Variants in TTC19 observed in about 807,000 individuals in gnomAD.
TTC19 encodes the protein tetratricopeptide repeat protein 19, mitochondrial.
TTC19 carries 38 observed loss-of-function variants against 49.5 expected under a neutral mutation model. The observed-to-expected ratio is 0.77, with a 90% confidence interval of 0.59 to 1.01. The LOEUF (loss-of-function observed/expected upper bound fraction) is 1.01. TTC19 is among the 50% of genes least tolerant of loss of function. TTC19 has a pLI of 0.00. For synonymous variants in TTC19, 204 were observed against 185.2 expected, an observed-to-expected ratio of 1.10 and a Z score of -0.83; for missense variants, 475 against 477.7, an observed-to-expected ratio of 0.99 and a Z score of 0.05.
At chr17:16,026,172 G>A (rs1170474554) in intron 8 of TTC19, among the ~76,000 whole-genome samples, 2 of 152,180 alleles carry the variant, frequency 1.3e-5, no homozygotes, top group African/African-American at 4.8e-5. Flanking sequence ...GGCTCCAGAG[G>A]CAATCAAACC....
downstream of TTC19, chr17:16,031,689 A>C (rs1972028531): frequency 4.4e-6 from 1 of 227,622 alleles, no homozygotes; most frequent in South Asian, 1.8e-4. Context: ...TACAGATTTT[A>C]TGACAGGGTC....
intron 7 of TTC19, among the ~76,000 whole-genome samples, chr17:16,015,554 G>C (rs935316394): frequency 6.6e-6 from 1 of 151,800 alleles, no homozygotes; most frequent in African/African-American, 2.4e-5. Context: ...TCCTTTCCTT[G>C]AAAGTTTTTA....
rs1475077428 is a variant in TTC19 at position 16,028,350 on chromosome 17, ACT to A, written c.*831_*832del. On this transcript the variant is annotated 3_prime_UTR_variant, in exon 10 of 10. Coordinates refer to ENST00000261647, the MANE Select transcript of TTC19 (RefSeq NM_017775.4). ...TAGGCCCCTACAGGTATATTTTAAA[ACT>A]CTTCGTAATTCTAATGTGTACTGCT... The A allele has an allele frequency of 4.4e-6, 2 of 453,926 alleles. No homozygotes were observed. Among genetic ancestry groups the A allele is most frequent in the South Asian group, 1.6e-5 (1 of 64,466 alleles). The allele number at this position is 453,926 out of a possible 1,614,324, so 28.1% of individuals were successfully genotyped here. A position where few individuals can be genotyped will look rare whatever the true frequency, so the allele number is the denominator to read the frequency against.
chr17:16,001,324 T>C (rs1970724833), intron 2 of TTC19, among the ~76,000 whole-genome samples: 1 of 152,160 alleles, frequency 6.6e-6, no homozygotes, highest in African/African-American at 2.4e-5. Flanking sequence ...CTCACCATCC[T>C]CCCTTCACAT....
At chr17:16,000,568 A>C in intron 2 of TTC19, 1 of 456,142 alleles carries the variant, frequency 2.2e-6, no homozygotes, top group Non-Finnish European at 3.3e-6. Context: ...AAATGACATA[A>C]TTTCGCACGT....
rs1231337900 is a variant in TTC19 at position 16,029,076 on chromosome 17, T to C, written c.*1554T>C. On this transcript the variant is annotated 3_prime_UTR_variant, in exon 10 of 10. Transcript: ENST00000261647. The stretch of plus-strand genomic sequence containing the variant: ...ACCAGTATTAACGTATGGTGATTTC[T>C]TAAAAAAATTAATGTCAACCACTCA... 2 of 452,992 alleles carry C rather than the reference T, an allele frequency of 4.4e-6. No individual in the cohort carries two copies. Among genetic ancestry groups the C allele is most frequent in the Non-Finnish European group, 8.8e-6 (2 of 226,494 alleles). The allele number at this position is 452,992 out of a possible 1,614,324, so 28.1% of individuals were successfully genotyped here.
chr17:16,021,376 A>G (rs1250202534), intron 7 of TTC19, among the ~76,000 whole-genome samples: 4 of 152,248 alleles, frequency 2.6e-5, no homozygotes, highest in Non-Finnish European at 5.9e-5. Context: ...CGACAGAGTG[A>G]GACTTCGTCT....
intron 2 of TTC19, among the ~76,000 whole-genome samples, chr17:16,042,003 G>A (rs890536608): frequency 1.3e-5 from 2 of 152,112 alleles, no homozygotes; most frequent in Non-Finnish European, 2.9e-5. Context: ...CAAAGTGCTG[G>A]GATTACAGGT....
chr17:16,033,539 A>G (rs1287955571), downstream of TTC19, among the ~76,000 whole-genome samples: 4 of 152,116 alleles, frequency 2.6e-5, no homozygotes, highest in South Asian at 2.1e-4. Context: ...TAATTTACAT[A>G]TATCTTACAG....
chr17:16,033,567 A>T (rs1972979157), downstream of TTC19, among the ~76,000 whole-genome samples: 1 of 152,010 alleles, frequency 6.6e-6, no homozygotes, highest in Non-Finnish European at 1.5e-5. Flanking sequence ...CACATTTCAG[A>T]TTTTTTTCAG....
At chr17:16,043,743 TCA>T (rs1439925953) in intron 2 of TTC19, among the ~76,000 whole-genome samples, 1 of 152,236 alleles carries the variant, frequency 6.6e-6, no homozygotes, top group Non-Finnish European at 1.5e-5. Flanking sequence ...CTCTCCGTGC[TCA>T]CACAGATTCA....
At chr17:16,009,273 G>C (rs1467090128) in intron 7 of TTC19, among the ~76,000 whole-genome samples, 1 of 152,212 alleles carries the variant, frequency 6.6e-6, no homozygotes, top group African/African-American at 2.4e-5. Flanking sequence ...TCTTAGGAGT[G>C]TAAAGCTATA....
rs576767243 is a variant in TTC19, at chr17:16,036,368, G to A, written c.248-8135G>A. On this transcript the variant is annotated intron_variant, in intron 2 of 2. Coordinates refer to the TTC19 transcript ENST00000470649. ...TCCATTTCTAGAGCACAGGCGAGTAGACCAAGCATAATTCTTAAGTGGCCT... is the reference window on the plus strand; with the variant it reads ...TCCATTTCTAGAGCACAGGCGAGTAAACCAAGCATAATTCTTAAGTGGCCT... Among the ~76,000 whole-genome samples the A allele has an allele frequency of 1.2e-4, 19 of 152,332 alleles. No homozygotes were observed. In the East Asian group the frequency reaches 3.7e-3, roughly 29 times the overall value.
chr17:16,038,841 G>T (rs943982021), intron 2 of TTC19, among the ~76,000 whole-genome samples: 1 of 152,132 alleles, frequency 6.6e-6, no homozygotes, highest in African/African-American at 2.4e-5. Flanking sequence ...TGTGATCTCA[G>T]CTCACAGCAA....
intron 2 of TTC19, chr17:16,034,956 A>G: frequency 6.2e-7 from 1 of 1,612,908 alleles, no homozygotes. Flanking sequence ...TGAAAGTGAA[A>G]TTCAAGTTAA....
At chr17:16,022,390 C>T (rs1230387149) in intron 7 of TTC19, among the ~76,000 whole-genome samples, 1 of 152,120 alleles carries the variant, frequency 6.6e-6, no homozygotes. Flanking sequence ...TGCTTTATTC[C>T]CTCCACTAAA....
At chr17:16,021,039 C>T (rs1220133259) in intron 7 of TTC19, among the ~76,000 whole-genome samples, 1 of 152,066 alleles carries the variant, frequency 6.6e-6, no homozygotes, top group Admixed American at 6.5e-5. Flanking sequence ...GTCAGAAATA[C>T]TGAGTGCCCA....
At chr17:16,006,872 G>A (rs1000930287) in intron 7 of TTC19, among the ~76,000 whole-genome samples, 7 of 151,950 alleles carry the variant, frequency 4.6e-5, no homozygotes, top group Admixed American at 1.3e-4. Context: ...GGTGTTTCTC[G>A]TATCTCTTAG....
rs553792946 is a variant in TTC19 at position 16,041,563 on chromosome 17, C to T, written c.248-2940C>T. 2.7e-4 allele frequency among the ~76,000 whole-genome samples: 41 copies of T among 150,516 alleles called. No homozygotes were observed. In the South Asian group the frequency reaches 6.4e-3, roughly 23 times the overall value. On this transcript the variant is annotated intron_variant, in intron 2 of 2. Transcript: ENST00000470649. Reference sequence around the variant, plus strand: ...CGAGCAGCTGGGATTATAGGCCCCCCGCCACCATGCCCAGCTAATTTTTGT... The same window carrying T: ...CGAGCAGCTGGGATTATAGGCCCCCTGCCACCATGCCCAGCTAATTTTTGT...
Sources: allele counts gnomAD v4.1 joint callset (sites outside exome capture counted in the v4.1 genomes callset), GRCh38; gene constraint gnomAD v4.1.1; transcripts MANE v1.5; gene names NCBI Gene and HGNC (gene_info 2026-07-23, HGNC 2026-07-21).